DTD1: variants seen among roughly 807,000 people sequenced by gnomAD.
DTD1 encodes D-aminoacyl-tRNA deacylase 1.
DTD1 carries 13 observed loss-of-function variants against 25.6 expected under a neutral mutation model. The ratio of observed to expected loss-of-function variants is 0.51; its 90% confidence interval spans 0.33 to 0.81. DTD1 has a LOEUF of 0.81. Ranked by LOEUF, DTD1 falls within the 30% of genes least tolerant of loss-of-function variation. The pLI is 0.02. For missense variants in DTD1, 193 were observed against 266.4 expected (o/e 0.72, Z 1.92); for synonymous variants, 110 against 103.6 (o/e 1.06, Z -0.37).
intron 4 of DTD1, among the ~76,000 whole-genome samples, chr20:18,729,681 A>G (rs549764630): frequency 6.2e-4 from 95 of 152,374 alleles, no homozygotes; most frequent in African/African-American, 2.1e-3. Flanking sequence ...GTAATATTTG[A>G]TAGCTGAAAA....
chr20:18,611,147 T>A (rs1027437606), intron 3 of DTD1: 8 of 152,228 alleles, frequency 5.3e-5, no homozygotes, highest in Admixed American at 6.5e-5. Context: ...AGGGCTAACC[T>A]TTTCTCCTTT....
In DTD1 at chr20:18,609,212, C is replaced by T. The variant is rs545292924; in HGVS notation, c.370+12971C>T. Among the ~76,000 whole-genome samples the T allele has an allele frequency of 5.5e-4, 84 of 152,000 alleles. No individual in the cohort carries two copies. In the South Asian group the frequency reaches 0.016, roughly 29 times the overall value. Reference sequence around the variant, plus strand: ...CTGGAGTGCAGTGGTACGAGATCTCCGCTCACTGCAACCTCCACCTCCTGG... The same window carrying T: ...CTGGAGTGCAGTGGTACGAGATCTCTGCTCACTGCAACCTCCACCTCCTGG... On this transcript the variant is annotated intron_variant, in intron 3 of 5. Coordinates refer to ENST00000377452, the MANE Select transcript of DTD1 (RefSeq NM_080820.6).
At position 18,712,175 on chromosome 20, in the gene DTD1, A is replaced by G. The variant is rs117912883; in HGVS notation, c.478-31925A>G. 7.7e-3 allele frequency among the ~76,000 whole-genome samples: 1,169 copies of G among 152,194 alleles called. 8 individuals carry two copies. Among genetic ancestry groups the G allele is most frequent in the Non-Finnish European group, 0.012 (835 of 68,006 alleles). On this transcript the variant is annotated intron_variant, in intron 4 of 5. Transcript: ENST00000377452. The stretch of plus-strand genomic sequence containing the variant: ...CTTAGGGACTCTAGTGTTCAGTGGC[A>G]TACTGTTACCAGTGTTTCATCTTTG...
At chr20:18,610,739 G>A (rs777562206) in intron 3 of DTD1, among the ~76,000 whole-genome samples, 13 of 152,012 alleles carry the variant, frequency 8.6e-5, no homozygotes, top group South Asian at 4.1e-4. Context: ...ACAAAATCTC[G>A]TCTCTACAAA....
At chr20:18,726,017 T>C (rs73118743) in intron 4 of DTD1, among the ~76,000 whole-genome samples, 46 of 152,346 alleles carry the variant, frequency 3.0e-4, no homozygotes, top group Non-Finnish European at 4.3e-4. Context: ...GGCATCTTTG[T>C]GTGTGGCTCT....
At chr20:18,597,008 T>A (rs1005592818) in intron 3 of DTD1, among the ~76,000 whole-genome samples, 4 of 152,186 alleles carry the variant, frequency 2.6e-5, no homozygotes, top group Non-Finnish European at 5.9e-5. Flanking sequence ...TTGGGCAAAT[T>A]TATAATGACA....
At chr20:18,645,800 C>T (rs546910708) in intron 4 of DTD1, among the ~76,000 whole-genome samples, 2 of 152,210 alleles carry the variant, frequency 1.3e-5, no homozygotes, top group African/African-American at 4.8e-5. Flanking sequence ...CAGTTTGGGG[C>T]TTTGATGGGT....
At position 18,749,558 on chromosome 20, in the gene DTD1, CCTGG is replaced by C. The variant is rs1404902172; in HGVS notation, c.*19+5288_*19+5291del. On this transcript the variant is annotated intron_variant, in intron 5 of 5. Transcript: ENST00000377452. The surrounding 1 kb of genome is among the most constrained non-coding windows in gnomAD (Gnocchi z 4.2). ...TCTCAGCTGTGACCTCCACTGGCCT[CCTGG>C]ATGAGACTTGCAGGGGTCTGTCATT... 1.3e-5 allele frequency among the ~76,000 whole-genome samples: 2 copies of C among 152,174 alleles called. No individual in the cohort carries two copies. The highest frequency in any genetic ancestry group is 2.4e-5 in the African/African-American group (1 of 41,446).
intron 4 of DTD1, among the ~76,000 whole-genome samples, chr20:18,640,719 C>A (rs1490663156): frequency 2.0e-5 from 3 of 151,270 alleles, no homozygotes; most frequent in Non-Finnish European, 4.4e-5. Flanking sequence ...CAACCTCCAT[C>A]TCCCAGATTC....
chr20:18,650,575 T>C (rs184451272), intron 4 of DTD1, among the ~76,000 whole-genome samples: 2 of 152,254 alleles, frequency 1.3e-5, no homozygotes, highest in Non-Finnish European at 2.9e-5. Context: ...GTCAGACTTA[T>C]CTTTTAAAAT....
At position 18,670,828 on chromosome 20, in the gene DTD1, A is replaced by G. The variant is rs369775268; in HGVS notation, c.477+42595A>G. On this transcript the variant is annotated intron_variant, in intron 4 of 5. Transcript: ENST00000377452. ...GTTTCTGTACATCCAGACAGTGAAAACATTGTCATCATCATCAGTATCACC... is the reference window on the plus strand; with the variant it reads ...GTTTCTGTACATCCAGACAGTGAAAGCATTGTCATCATCATCAGTATCACC... Among the ~76,000 whole-genome samples, 4 of 152,326 alleles carry G rather than the reference A, an allele frequency of 2.6e-5. No individual in the cohort carries two copies. In the South Asian group the frequency reaches 8.3e-4, roughly 32 times the overall value.
chr20:18,608,381 T>A (rs533939666), intron 3 of DTD1, among the ~76,000 whole-genome samples: 35 of 147,204 alleles, frequency 2.4e-4, no homozygotes, highest in African/African-American at 4.2e-4. Context: ...TTTTTTTTTT[T>A]AAAAAGTTTA....
At chr20:18,636,387 T>C (rs1451577455) in intron 4 of DTD1, among the ~76,000 whole-genome samples, 1 of 152,234 alleles carries the variant, frequency 6.6e-6, no homozygotes, top group African/African-American at 2.4e-5. Context: ...TGCCAGTCAG[T>C]GGTGTTTTGC....
intron 4 of DTD1, among the ~76,000 whole-genome samples, chr20:18,642,261 C>G (rs1351616013): frequency 6.6e-6 from 1 of 152,120 alleles, no homozygotes. Context: ...TAGCAGCCAT[C>G]TTCAGCCTCC....
intron 4 of DTD1, among the ~76,000 whole-genome samples, chr20:18,713,118 C>T (rs1325605563): frequency 2.6e-5 from 4 of 152,406 alleles, no homozygotes; most frequent in Non-Finnish European, 4.4e-5. Context: ...CCCATGGCCT[C>T]CTGCCGAGGC....
At chr20:18,629,782 C>T (rs893389116) in intron 4 of DTD1, among the ~76,000 whole-genome samples, 1 of 152,028 alleles carries the variant, frequency 6.6e-6, no homozygotes, top group Non-Finnish European at 1.5e-5. Context: ...AGGAAACTTA[C>T]AATCATGGTG....
At chr20:18,591,826 C>T (rs946099165) in intron 1 of DTD1, among the ~76,000 whole-genome samples, 25 of 152,102 alleles carry the variant, frequency 1.6e-4, no homozygotes, top group African/African-American at 5.8e-4. Context: ...AGCAAACCAA[C>T]CCCCAATTGT....
At chr20:18,636,354 C>T (rs1157023056) in intron 4 of DTD1, among the ~76,000 whole-genome samples, 2 of 152,082 alleles carry the variant, frequency 1.3e-5, no homozygotes, top group East Asian at 1.9e-4. Context: ...TTCACAGTCC[C>T]GGGTAATTGT....
intron 5 of DTD1, among the ~76,000 whole-genome samples, chr20:18,754,521 C>A (rs555258466): frequency 3.0e-4 from 46 of 152,304 alleles, no homozygotes; most frequent in African/African-American, 1.0e-3. Context: ...GCACATTACC[C>A]CTTATCCAGG....
Sources: allele counts gnomAD v4.1 joint callset (sites outside exome capture counted in the v4.1 genomes callset), GRCh38; gene constraint gnomAD v4.1.1; non-coding constraint Gnocchi (gnomAD v3.1); transcripts MANE v1.5; gene names NCBI Gene and HGNC (gene_info 2026-07-23, HGNC 2026-07-21).